Variants in DNER observed in about 807,000 individuals in gnomAD.
The protein encoded by DNER is delta and Notch-like epidermal growth factor-related receptor.
Under a neutral mutation model 78.2 loss-of-function variants are expected in DNER, and 33 were observed. The ratio of observed to expected loss-of-function variants is 0.42; its 90% CI spans 0.32 to 0.56. The LOEUF is 0.56. Ranked by LOEUF, DNER falls within the 20% of genes least tolerant of loss-of-function variation. The probability of loss-of-function intolerance (pLI) is 0.11; values close to 1 mark genes in which losing one functional copy is unlikely to be tolerated. For synonymous variants in DNER, 417 were observed against 384.8 expected, an observed-to-expected ratio of 1.08 and a Z score of -0.98; for missense variants, 918 against 975.3, an observed-to-expected ratio of 0.94 and a Z score of 0.78.
At chr2:229,603,744 T>G (rs564679801) in intron 1 of DNER, among the ~76,000 whole-genome samples, 36 of 150,260 alleles carry the variant, frequency 2.4e-4, no homozygotes, top group African/African-American at 7.0e-4. Context: ...TTTGGGGGGG[T>G]GCTTTTCTGT....
intron 1 of DNER, among the ~76,000 whole-genome samples, chr2:229,697,288 G>A (rs543714434): frequency 2.3e-4 from 35 of 152,254 alleles, no homozygotes; most frequent in African/African-American, 8.2e-4. Flanking sequence ...ATGAAATATC[G>A]AGAATAAGTA....
At position 229,594,493 on chromosome 2, in the gene DNER, G is replaced by A. The variant is rs555218389; in HGVS notation, c.277-2605C>T. The stretch of plus-strand genomic sequence containing the variant: ...TCCCAGCTACTAGAGAGGCTAAGGC[G>A]GGAGAATCATTTGAACCCAGGAGGC... On this transcript the variant is annotated intron_variant, in intron 1 of 12. Coordinates refer to ENST00000341772, the MANE Select transcript of DNER (RefSeq NM_139072.4). 1.8e-4 allele frequency among the ~76,000 whole-genome samples: 28 copies of A among 152,082 alleles called. No individual in the cohort carries two copies. The South Asian group carries it at 5.2e-3, about 28-fold the overall frequency.
intron 11 of DNER, among the ~76,000 whole-genome samples, chr2:229,372,022 C>T (rs1373969733): frequency 2.0e-5 from 3 of 152,136 alleles, no homozygotes; most frequent in African/African-American, 7.2e-5. Flanking sequence ...AAAAGATTAA[C>T]AACTCTTGTT....
At chr2:229,387,863 CTG>C (rs34029070) in intron 11 of DNER, among the ~76,000 whole-genome samples, 22,372 of 120,444 alleles carry the variant, frequency 0.19, 1,798 homozygotes, top group African/African-American at 0.23. Flanking sequence ...AATTTGCATT[CTG>C]TGTGTGTGTG....
At chr2:229,506,189 C>CT (rs570073518) in intron 6 of DNER, among the ~76,000 whole-genome samples, 1 of 70,374 alleles carries the variant, frequency 1.4e-5, no homozygotes, top group African/African-American at 1.2e-4. Context: ...TTCCACAGGG[C>CT]TGGGGGGCCT....
At chr2:229,372,761 G>A (rs4973194) in intron 11 of DNER, among the ~76,000 whole-genome samples, 105,203 of 151,882 alleles carry the variant, frequency 0.69, 36,853 homozygotes, top group East Asian at 0.91. Context: ...GACGGGGCAG[G>A]GTTAGTGGTA....
intron 5 of DNER, among the ~76,000 whole-genome samples, chr2:229,515,639 A>ATTTTTTTTTTT (rs1162899815): frequency 1.4e-5 from 1 of 71,538 alleles, no homozygotes; most frequent in African/African-American, 4.2e-5. Flanking sequence ...AGTTAGCTTT[A>ATTTTTTTTTTT]TTTTTTTATT....
chr2:229,599,234 T>C (rs1697782062), intron 1 of DNER, among the ~76,000 whole-genome samples: 1 of 152,190 alleles, frequency 6.6e-6, no homozygotes, highest in South Asian at 2.1e-4. Context: ...AATTTGTGTA[T>C]GGTATTAAGA....
chr2:229,484,150 A>C (rs1280132567), intron 6 of DNER, among the ~76,000 whole-genome samples: 1 of 152,224 alleles, frequency 6.6e-6, no homozygotes, highest in Non-Finnish European at 1.5e-5. Flanking sequence ...TTTTTGTCCC[A>C]AAATCAACCA....
intron 5 of DNER, among the ~76,000 whole-genome samples, chr2:229,517,049 T>C (rs1337965300): frequency 7.1e-6 from 1 of 140,512 alleles, no homozygotes; most frequent in Non-Finnish European, 1.5e-5. Context: ...AGGCAGAGGA[T>C]GCAGTGAGCC....
intron 12 of DNER, among the ~76,000 whole-genome samples, chr2:229,362,136 G>A (rs907800009): frequency 6.6e-6 from 1 of 152,178 alleles, no homozygotes; most frequent in African/African-American, 2.4e-5. Flanking sequence ...CTCCTTCCTA[G>A]CCCCTCGAGG....
intron 1 of DNER, among the ~76,000 whole-genome samples, chr2:229,614,779 A>G (rs561034603): frequency 6.6e-6 from 1 of 152,220 alleles, no homozygotes; most frequent in Non-Finnish European, 1.5e-5. Context: ...ACCAGTGCCC[A>G]CTTTCCTCAT....
Position 229,418,136 on chromosome 2 carries a change from A to G in DNER, c.1581T>C (p.Tyr527=), listed in dbSNP as rs1358290623. ...TGTATTCTGCCAGGCACACACACTC[A>G]TAGCCATTAACGAGGTCCCTGCAGG... ...AATCRDLVNG[Y]ECVCLAEYKG... Residue 527 remains tyrosine, a synonymous_variant, in exon 9 of 13, where the codon TAT becomes TAC. Transcript: ENST00000341772. 6.2e-7 allele frequency: 1 copy of G among 1,614,054 alleles called. No homozygotes were observed. Among genetic ancestry groups the G allele is most frequent in the African/African-American group, 1.3e-5 (1 of 74,938 alleles).
At chr2:229,613,639 A>G (rs1698091398) in intron 1 of DNER, among the ~76,000 whole-genome samples, 1 of 152,144 alleles carries the variant, frequency 6.6e-6, no homozygotes, top group East Asian at 1.9e-4. Flanking sequence ...TTCCAAAAAA[A>G]AAGAAAATTA....
chr2:229,636,473 T>C (rs1378597478), intron 1 of DNER, among the ~76,000 whole-genome samples: 1 of 152,062 alleles, frequency 6.6e-6, no homozygotes, highest in African/African-American at 2.4e-5. Context: ...ACAGAGTGCA[T>C]GAGAGAGTCC....
At chr2:229,518,054 T>C (rs562428321) in intron 5 of DNER, among the ~76,000 whole-genome samples, 18 of 152,246 alleles carry the variant, frequency 1.2e-4, no homozygotes, top group Non-Finnish European at 2.5e-4. Context: ...ACCCAGACCC[T>C]GAACGTAAGT....
At chr2:229,677,234 G>A (rs1351792118) in intron 1 of DNER, among the ~76,000 whole-genome samples, 1 of 152,228 alleles carries the variant, frequency 6.6e-6, no homozygotes, top group Admixed American at 6.5e-5. Flanking sequence ...TGTCACATTT[G>A]AGCCATTTCC....
In DNER at chr2:229,588,498, G is replaced by T; in HGVS notation, c.586-10C>A. Reference sequence around the variant, plus strand: ...CAATATCTGGGATCACCTGGGAAGGGAAAAAAAAAACGACATATGATTGGG... The same window carrying T: ...CAATATCTGGGATCACCTGGGAAGGTAAAAAAAAAACGACATATGATTGGG... On this transcript the variant is annotated splice_polypyrimidine_tract_variant and intron_variant, in intron 2 of 12. Transcript: ENST00000341772. The T allele has an allele frequency of 3.4e-6, 4 of 1,188,890 alleles. No individual in the cohort carries two copies. Among genetic ancestry groups the T allele is most frequent in the Non-Finnish European group, 4.7e-6 (4 of 851,624 alleles). 73.6% of individuals were successfully genotyped at this position (1,188,890 alleles called of 1,614,324 possible).
intron 4 of DNER, among the ~76,000 whole-genome samples, chr2:229,553,206 T>G (rs537722664): frequency 6.6e-6 from 1 of 152,192 alleles, no homozygotes; most frequent in African/African-American, 2.4e-5. Context: ...ATCCCTTTAG[T>G]GCCAGGGGAT....
Sources: allele counts gnomAD v4.1 joint callset (sites outside exome capture counted in the v4.1 genomes callset), GRCh38; gene constraint gnomAD v4.1.1; transcripts MANE v1.5; gene names NCBI Gene and HGNC (gene_info 2026-07-23, HGNC 2026-07-21).